JMJD1C: variants seen among roughly 807,000 people sequenced by gnomAD.
JMJD1C encodes the protein jumonji domain-containing protein 1C.
Under a neutral mutation model 245.3 loss-of-function variants are expected in JMJD1C, and 31 were observed. That is an observed-to-expected ratio of 0.13 (90% CI 0.09 to 0.17). JMJD1C has a LOEUF of 0.17. Among genes scored for constraint, JMJD1C ranks in the 10% least tolerant of loss-of-function variants. The pLI is 1.00. For missense variants in JMJD1C, 2,691 were observed against 3,000.2 expected (o/e 0.90, Z 2.41); for synonymous variants, 1,057 against 1,017.4 (o/e 1.04, Z -0.74).
intron 3 of JMJD1C, chr10:63,222,019 G>A (rs959163056): frequency 7.7e-6 from 3 of 388,424 alleles, no homozygotes; most frequent in Non-Finnish European, 1.5e-5. Context: ...ACCACATCTG[G>A]CCCATAGAAA....
At chr10:63,399,947 A>G (rs1032842430) in intron 1 of JMJD1C, among the ~76,000 whole-genome samples, 1 of 152,182 alleles carries the variant, frequency 6.6e-6, no homozygotes, top group Non-Finnish European at 1.5e-5. Context: ...AAAAAAAATA[A>G]AAGTAGAAAC....
chr10:63,217,370 A>T, intron 4 of JMJD1C, 39 bp from the exon 5 acceptor site: 1 of 1,494,634 alleles, frequency 6.7e-7, no homozygotes, highest in Non-Finnish European at 9.1e-7. Flanking sequence ...TCTTAAATGG[A>T]GACATCTTCA....
intron 4 of JMJD1C, 56 bp downstream of exon 4, chr10:63,219,822 A>G (rs1848404282): frequency 2.5e-6 from 3 of 1,224,446 alleles, no homozygotes; most frequent in East Asian, 2.3e-5. Flanking sequence ...CCAAAAACAA[A>G]TATGATAAGT....
intron 2 of JMJD1C, among the ~76,000 whole-genome samples, chr10:63,350,536 T>C (rs1482177182): frequency 6.6e-6 from 1 of 152,180 alleles, no homozygotes. Flanking sequence ...GTTTTCTCCT[T>C]TGTAGAGATA....
chr10:63,212,264 C>T (rs1183990614), intron 8 of JMJD1C, among the ~76,000 whole-genome samples: 1 of 152,088 alleles, frequency 6.6e-6, no homozygotes, highest in Non-Finnish European at 1.5e-5. Context: ...ACACTTAACA[C>T]TACTGAACTG....
chr10:63,521,675 C>A, intron 1 of JMJD1C: 1 of 894,772 alleles, frequency 1.1e-6, no homozygotes, highest in Non-Finnish European at 1.5e-6. Flanking sequence ...TGGGCCTGGG[C>A]GGGGACGGGG....
At chr10:63,389,444 CTTTTTTTTTTCCTT>C (rs1564866174) in intron 1 of JMJD1C, among the ~76,000 whole-genome samples, 2 of 139,910 alleles carry the variant, frequency 1.4e-5, no homozygotes, top group Non-Finnish European at 3.1e-5. Context: ...TTTTGTTTTT[CTTTTTTTTTTCCTT>C]TTTTTTTTTT....
At chr10:63,342,151 A>G (rs534743329) in intron 2 of JMJD1C, among the ~76,000 whole-genome samples, 1 of 152,390 alleles carries the variant, frequency 6.6e-6, no homozygotes, top group East Asian at 1.9e-4. Context: ...TGACACTGAT[A>G]ATGATATTCC....
intron 2 of JMJD1C, among the ~76,000 whole-genome samples, chr10:63,368,384 T>C (rs1157227963): frequency 6.6e-6 from 1 of 152,160 alleles, no homozygotes; most frequent in Admixed American, 6.5e-5. Flanking sequence ...GACCTTACTA[T>C]ATAACAGCAC....
chr10:63,457,591 G>C (rs1952494855), intron 1 of JMJD1C, among the ~76,000 whole-genome samples: 1 of 152,136 alleles, frequency 6.6e-6, no homozygotes, highest in South Asian at 2.1e-4. Context: ...GAAAGGAACT[G>C]CAGACAGGAA....
intron 1 of JMJD1C, among the ~76,000 whole-genome samples, chr10:63,401,726 T>C (rs1948868396): frequency 6.6e-6 from 1 of 152,152 alleles, no homozygotes; most frequent in African/African-American, 2.4e-5. Flanking sequence ...TGTCCCCCAC[T>C]AAAATTCGTA....
chr10:63,470,913 A>G (rs1953471532), upstream of JMJD1C, among the ~76,000 whole-genome samples: 1 of 152,214 alleles, frequency 6.6e-6, no homozygotes, highest in Non-Finnish European at 1.5e-5. Flanking sequence ...TTGATTTTTA[A>G]TGATAAAAAA....
intron 3 of JMJD1C, among the ~76,000 whole-genome samples, chr10:63,263,161 C>T (rs751340524): frequency 3.9e-5 from 6 of 152,090 alleles, no homozygotes; most frequent in Non-Finnish European, 7.4e-5. Flanking sequence ...AGCTCCAACA[C>T]CTCCACTATT....
intron 3 of JMJD1C, among the ~76,000 whole-genome samples, chr10:63,225,204 C>G (rs565331085): frequency 9.9e-5 from 15 of 152,090 alleles, no homozygotes; most frequent in Non-Finnish European, 2.1e-4. Flanking sequence ...GTCACCTAAG[C>G]TAATTGAAGA....
At position 63,465,794 on chromosome 10, in the gene JMJD1C, G is replaced by C. The variant is rs1319052322; in HGVS notation, c.-132C>G. Reference sequence around the variant, plus strand: ...GCGGACCCGAAAGAGCGCAGACTCGGGACGAACCGGCCGCTCTGCCCCGGA... The same window carrying C: ...GCGGACCCGAAAGAGCGCAGACTCGCGACGAACCGGCCGCTCTGCCCCGGA... On this transcript the variant is annotated 5_prime_UTR_variant, in exon 1 of 26. Transcript: ENST00000399262. 3.7e-6 allele frequency: 4 copies of C among 1,083,150 alleles called. No individual in the cohort carries two copies. Among genetic ancestry groups the C allele is most frequent in the Non-Finnish European group, 5.5e-6 (4 of 731,180 alleles). The allele number at this position is 1,083,150 out of a possible 1,614,324, so 67.1% of individuals were successfully genotyped here. A position where few individuals can be genotyped will look rare whatever the true frequency, so the allele number is the denominator to read the frequency against.
intron 2 of JMJD1C, among the ~76,000 whole-genome samples, chr10:63,351,483 T>C (rs557839910): frequency 4.6e-5 from 7 of 152,208 alleles, no homozygotes; most frequent in African/African-American, 7.2e-5. Context: ...TCTATTATAA[T>C]TCCTAGACAA....
In JMJD1C at chr10:63,315,040, G is replaced by A. The variant is rs577744649; in HGVS notation, c.334-50276C>T. On this transcript the variant is annotated intron_variant, in intron 2 of 25. Coordinates refer to ENST00000399262, the MANE Select transcript of JMJD1C (RefSeq NM_032776.3). ...ACGATCTTGGCTCAGTGCAACCTCC[G>A]CCTCCTGGATTCAAGAGATTGCCCT... 7.6e-5 allele frequency among the ~76,000 whole-genome samples: 11 copies of A among 143,904 alleles called. No individual in the cohort carries two copies. In the South Asian group the frequency reaches 9.0e-4, roughly 12 times the overall value. The allele number at this position is 143,904 out of a possible 152,430, so 94.4% of individuals were successfully genotyped here.
At chr10:63,313,659 G>A (rs530773425) in intron 2 of JMJD1C, among the ~76,000 whole-genome samples, 1 of 152,276 alleles carries the variant, frequency 6.6e-6, no homozygotes, top group East Asian at 1.9e-4. Flanking sequence ...ATGATCTCAT[G>A]ATTTTGATTT....
chr10:63,453,929 G>A (rs992939217), intron 1 of JMJD1C, among the ~76,000 whole-genome samples: 1 of 152,004 alleles, frequency 6.6e-6, no homozygotes, highest in Non-Finnish European at 1.5e-5. Context: ...CACCATGTTG[G>A]CCAGGCTGGT....
Sources: allele counts gnomAD v4.1 joint callset (sites outside exome capture counted in the v4.1 genomes callset), GRCh38; gene constraint gnomAD v4.1.1; transcripts MANE v1.5; gene names NCBI Gene and HGNC (gene_info 2026-07-23, HGNC 2026-07-21).